The following GATB variants were observed in gnomAD, a reference collection of about 807,000 sequenced individuals.
GATB encodes glutamyl-tRNA(Gln) amidotransferase subunit B, mitochondrial.
GATB carries 39 observed loss-of-function variants against 62.3 expected under a neutral mutation model. That is an observed-to-expected ratio of 0.63 (90% confidence interval 0.48 to 0.82). The LOEUF (loss-of-function observed/expected upper bound fraction) is 0.82. Among genes scored for constraint, GATB ranks in the 40% least tolerant of loss-of-function variants. The pLI is 0.00. For missense variants in GATB, 670 were observed against 684.0 expected (o/e 0.98, Z 0.23); for synonymous variants, 276 against 258.9 (o/e 1.07, Z -0.63).
intron 2 of GATB, among the ~76,000 whole-genome samples, chr4:151,739,406 T>C (rs1739441166): frequency 6.6e-6 from 1 of 152,122 alleles, no homozygotes; most frequent in Admixed American, 6.5e-5. Context: ...GGTATGCCAA[T>C]GGCAAAATGA....
At chr4:151,747,052 C>T (rs1443883367) in intron 2 of GATB, among the ~76,000 whole-genome samples, 6 of 152,134 alleles carry the variant, frequency 3.9e-5, no homozygotes, top group South Asian at 4.1e-4. Context: ...ACAGCAACTG[C>T]GGCAGGTAGG....
At chr4:151,697,963 A>ATGTG (rs1413805224) in intron 9 of GATB, among the ~76,000 whole-genome samples, 2 of 116,708 alleles carry the variant, frequency 1.7e-5, no homozygotes, top group African/African-American at 8.2e-5. Context: ...GTATATATAT[A>ATGTG]TATATATATA....
chr4:151,728,615 G>A (rs910648492), intron 2 of GATB, among the ~76,000 whole-genome samples: 36 of 152,008 alleles, frequency 2.4e-4, no homozygotes, highest in African/African-American at 7.7e-4. Flanking sequence ...CTTTTCTGAT[G>A]TGTCCTAAAA....
intron 12 of GATB, among the ~76,000 whole-genome samples, chr4:151,671,828 G>T (rs1183817236): frequency 2.6e-5 from 4 of 152,174 alleles, no homozygotes; most frequent in African/African-American, 4.8e-5. Context: ...GTGGGCAGGG[G>T]GAGTGAGGAA....
intron 2 of GATB, among the ~76,000 whole-genome samples, chr4:151,736,911 T>G (rs1326123851): frequency 6.6e-6 from 1 of 152,214 alleles, no homozygotes; most frequent in Non-Finnish European, 1.5e-5. Flanking sequence ...CTGCCATGAT[T>G]GTGAGGCCTC....
chr4:151,706,756 T>C (rs112701404), intron 6 of GATB, among the ~76,000 whole-genome samples: 22 of 152,346 alleles, frequency 1.4e-4, no homozygotes, highest in African/African-American at 4.8e-4. Flanking sequence ...TCTAATACTT[T>C]TCTTGACAAG....
rs776583990 is a variant in GATB, at chr4:151,688,629, C to T, written c.1331+1G>A. The T allele has an allele frequency of 5.6e-6, 9 of 1,602,062 alleles. No individual in the cohort carries two copies. Among genetic ancestry groups the T allele is most frequent in the African/African-American group, 1.4e-5 (1 of 74,044 alleles). ...AGAAAGAAATCCCAGACCTCACTCACCTCTCACTGACAGCGAGGTTCTGTT... is the reference window on the plus strand; with the variant it reads ...AGAAAGAAATCCCAGACCTCACTCATCTCTCACTGACAGCGAGGTTCTGTT... On this transcript the variant is annotated splice_donor_variant, in intron 10 of 12. Coordinates refer to ENST00000263985, the MANE Select transcript of GATB (RefSeq NM_004564.3). LOFTEE classifies it high-confidence loss of function.
intron 2 of GATB, among the ~76,000 whole-genome samples, chr4:151,749,794 T>C (rs1006852325): frequency 6.6e-6 from 1 of 152,156 alleles, no homozygotes; most frequent in Non-Finnish European, 1.5e-5. Flanking sequence ...TCTCCACAGC[T>C]CTGGAGACAT....
chr4:151,757,871 C>T (rs1215009482), intron 2 of GATB, among the ~76,000 whole-genome samples: 1 of 152,176 alleles, frequency 6.6e-6, no homozygotes, highest in East Asian at 1.9e-4. Context: ...ACCATGGATA[C>T]ACATTTCCTC....
chr4:151,689,287 C>T (rs1022217531), intron 9 of GATB, among the ~76,000 whole-genome samples: 1 of 152,330 alleles, frequency 6.6e-6, no homozygotes, highest in East Asian at 1.9e-4. Context: ...TACTGATTCT[C>T]ACATCATGAC....
chr4:151,684,604 TTAA>T (rs1738207151), intron 10 of GATB, among the ~76,000 whole-genome samples: 1 of 152,256 alleles, frequency 6.6e-6, no homozygotes, highest in South Asian at 2.1e-4. Context: ...TGTTCATTAA[TTAA>T]TGTTTGCTCT....
intron 2 of GATB, among the ~76,000 whole-genome samples, chr4:151,737,944 G>A (rs1739410424): frequency 6.6e-6 from 1 of 152,176 alleles, no homozygotes; most frequent in Non-Finnish European, 1.5e-5. Context: ...TTGCTGCAGG[G>A]GCGGGGTCAC....
At chr4:151,681,435 G>A (rs1413344889) in intron 10 of GATB, among the ~76,000 whole-genome samples, 1 of 108,354 alleles carries the variant, frequency 9.2e-6, no homozygotes, top group African/African-American at 6.0e-5. Context: ...GGCAGCGGGC[G>A]GCTAAACAAA....
chr4:151,713,383 G>A (rs1361903724), intron 5 of GATB, among the ~76,000 whole-genome samples: 1 of 152,176 alleles, frequency 6.6e-6, no homozygotes, highest in African/African-American at 2.4e-5. Context: ...AGCTAAAATG[G>A]TTGGGAACTC....
intron 2 of GATB, chr4:151,720,800 G>A (rs1044004292): frequency 2.0e-5 from 3 of 152,236 alleles, no homozygotes; most frequent in Non-Finnish European, 4.4e-5. Context: ...TGGCTGAGAG[G>A]CGGCAAACAG....
intron 2 of GATB, among the ~76,000 whole-genome samples, chr4:151,725,523 A>T (rs754003219): frequency 4.4e-4 from 67 of 152,368 alleles, no homozygotes; most frequent in Non-Finnish European, 8.1e-4. Flanking sequence ...TTTTGTGGAC[A>T]CCCTTTTCAC....
intron 2 of GATB, among the ~76,000 whole-genome samples, chr4:151,731,294 T>C (rs1228916246): frequency 2.6e-5 from 4 of 152,184 alleles, no homozygotes; most frequent in South Asian, 2.1e-4. Flanking sequence ...TTCGTATTTT[T>C]TTGGTGGAGA....
chr4:151,697,537 G>A (rs776210136), intron 9 of GATB, among the ~76,000 whole-genome samples: 5 of 151,626 alleles, frequency 3.3e-5, no homozygotes, highest in Admixed American at 6.6e-5. Context: ...TTTGGGTGAC[G>A]GTTACACTGT....
At chr4:151,741,642 C>A (rs1457869934) in intron 2 of GATB, among the ~76,000 whole-genome samples, 1 of 152,208 alleles carries the variant, frequency 6.6e-6, no homozygotes, top group Non-Finnish European at 1.5e-5. Flanking sequence ...AGATGCTCTG[C>A]AGACCCAGAA....
Sources: gnomAD v4.1 joint callset for allele counts (sites outside exome capture counted in the v4.1 genomes callset) on GRCh38, gnomAD v4.1.1 for gene constraint, MANE v1.5 for transcripts, NCBI Gene and HGNC (gene_info 2026-07-23, HGNC 2026-07-21) for gene names.